APBB2: variants seen among roughly 807,000 people sequenced by gnomAD.
APBB2 encodes Fe65-like 1.
Under a neutral mutation model 82.5 loss-of-function variants are expected in APBB2, and 38 were observed. The ratio of observed to expected loss-of-function variants is 0.46; its 90% CI spans 0.36 to 0.60. APBB2 has a LOEUF of 0.60. Among genes scored for constraint, APBB2 ranks in the 20% least tolerant of loss-of-function variants. The pLI is 0.00. For synonymous variants in APBB2, 341 were observed against 368.2 expected, an observed-to-expected ratio of 0.93 and a Z score of 0.85; for missense variants, 772 against 972.3, an observed-to-expected ratio of 0.79 and a Z score of 2.74.
intron 6 of APBB2, among the ~76,000 whole-genome samples, chr4:41,000,057 ATATATGTGTGTATGTG>A (rs1804730272): frequency 1.2e-5 from 1 of 86,264 alleles, no homozygotes; most frequent in African/African-American, 3.9e-5. Flanking sequence ...GTATATGTAT[ATATATGTGTGTATGTG>A]TGTGTGTGTG....
chr4:40,896,572 C>T (rs1174342600), intron 10 of APBB2, among the ~76,000 whole-genome samples: 2 of 152,154 alleles, frequency 1.3e-5, no homozygotes, highest in African/African-American at 4.8e-5. Context: ...AAATAAAAAA[C>T]ACTTGAACAT....
chr4:40,907,390 T>A (rs1396141270), intron 10 of APBB2, among the ~76,000 whole-genome samples: 1 of 133,784 alleles, frequency 7.5e-6, no homozygotes, highest in Non-Finnish European at 1.6e-5. Context: ...TTTTTTTTTT[T>A]TTTTTTTTTT....
chr4:40,867,128 G>C (rs1057223888), intron 12 of APBB2, among the ~76,000 whole-genome samples: 1 of 152,114 alleles, frequency 6.6e-6, no homozygotes, highest in African/African-American at 2.4e-5. Flanking sequence ...AAGCTTTATT[G>C]GAACACAGCC....
chr4:41,076,644 C>T (rs1376499793), intron 3 of APBB2, among the ~76,000 whole-genome samples: 2 of 152,136 alleles, frequency 1.3e-5, no homozygotes, highest in Non-Finnish European at 2.9e-5. Flanking sequence ...TCATCTTATG[C>T]GAGGCCACCA....
chr4:41,117,107 C>A (rs1263652012), intron 2 of APBB2, among the ~76,000 whole-genome samples: 1 of 151,990 alleles, frequency 6.6e-6, no homozygotes, highest in African/African-American at 2.4e-5. Context: ...CCCCTCTTTT[C>A]TGACTCTCAG....
chr4:41,055,552 T>G (rs1727539635), intron 4 of APBB2, among the ~76,000 whole-genome samples: 1 of 152,112 alleles, frequency 6.6e-6, no homozygotes, highest in Non-Finnish European at 1.5e-5. Flanking sequence ...ACACTACATC[T>G]CTAGGACCCG....
intron 6 of APBB2, among the ~76,000 whole-genome samples, chr4:40,971,324 T>G (rs1221665571): frequency 1.3e-5 from 2 of 152,246 alleles, no homozygotes; most frequent in African/African-American, 4.8e-5. Context: ...CATTAATTTT[T>G]TTACAAGTAA....
At chr4:40,968,844 G>C (rs900582106) in intron 6 of APBB2, among the ~76,000 whole-genome samples, 1 of 152,248 alleles carries the variant, frequency 6.6e-6, no homozygotes, top group Non-Finnish European at 1.5e-5. Context: ...ACCTCATCTT[G>C]AATTGTAGCT....
At chr4:40,900,846 C>A (rs914608544) in intron 10 of APBB2, among the ~76,000 whole-genome samples, 2 of 150,096 alleles carry the variant, frequency 1.3e-5, no homozygotes, top group Non-Finnish European at 3.0e-5. Context: ...CAGATTAATT[C>A]ATTCATTCAA....
At chr4:40,896,914 C>A (rs1197723795) in intron 10 of APBB2, among the ~76,000 whole-genome samples, 1 of 152,180 alleles carries the variant, frequency 6.6e-6, no homozygotes, top group Non-Finnish European at 1.5e-5. Flanking sequence ...ATCTTAGTGA[C>A]CCTGGCTGGA....
intron 12 of APBB2, among the ~76,000 whole-genome samples, chr4:40,843,367 G>T (rs1165931503): frequency 6.6e-6 from 1 of 152,204 alleles, no homozygotes; most frequent in Admixed American, 6.5e-5. Context: ...AAGTGGAAAG[G>T]AAGAGCTGCT....
chr4:41,030,657 T>TA (rs1315130757), intron 5 of APBB2, among the ~76,000 whole-genome samples: 2 of 152,116 alleles, frequency 1.3e-5, no homozygotes, highest in African/African-American at 2.4e-5. Flanking sequence ...GCTCTAGACT[T>TA]ACGGGCAAGC....
chr4:41,181,774 T>C (rs1394621466), intron 1 of APBB2, among the ~76,000 whole-genome samples: 1 of 151,828 alleles, frequency 6.6e-6, no homozygotes, highest in African/African-American at 2.4e-5. Context: ...GGAGCAACCC[T>C]GTCTCTACTA....
At chr4:41,184,652 G>A (rs551438092) in intron 1 of APBB2, among the ~76,000 whole-genome samples, 2 of 152,326 alleles carry the variant, frequency 1.3e-5, no homozygotes, top group Non-Finnish European at 2.9e-5. Context: ...CAGACTGGGA[G>A]ATGCATTGCT....
At chr4:40,897,759 G>A (rs932599586) in intron 10 of APBB2, among the ~76,000 whole-genome samples, 1 of 152,142 alleles carries the variant, frequency 6.6e-6, no homozygotes, top group Non-Finnish European at 1.5e-5. Flanking sequence ...GCAGAAACGA[G>A]CAACCTGCAA....
rs569151951 is a variant in APBB2, at chr4:41,155,571, G to A, written c.-416-12429C>T. Among the ~76,000 whole-genome samples the A allele has an allele frequency of 4.6e-5, 7 of 152,278 alleles. 1 individual carries two copies. The highest frequency in any genetic ancestry group is 1.4e-4 in the African/African-American group (6 of 41,550). On this transcript the variant is annotated intron_variant, in intron 1 of 17. Transcript: ENST00000508593. The stretch of plus-strand genomic sequence containing the variant: ...AAAATAAAGAAGGAAGGAGAAAGGA[G>A]GACGAATAAGAGAGAATCCGAAAGA...
intron 5 of APBB2, among the ~76,000 whole-genome samples, chr4:41,014,803 A>G (rs1302194080): frequency 6.6e-6 from 1 of 152,180 alleles, no homozygotes; most frequent in African/African-American, 2.4e-5. Context: ...ACAACAAAAA[A>G]TTGCTCAAGA....
At chr4:41,042,245 T>A (rs1721801096) in intron 4 of APBB2, among the ~76,000 whole-genome samples, 1 of 152,166 alleles carries the variant, frequency 6.6e-6, no homozygotes, top group Non-Finnish European at 1.5e-5. Context: ...TGCCTCAGCC[T>A]CCCAAAGTGC....
intron 10 of APBB2, among the ~76,000 whole-genome samples, chr4:40,918,947 G>A (rs889058658): frequency 4.6e-5 from 7 of 151,976 alleles, no homozygotes; most frequent in African/African-American, 1.7e-4. Flanking sequence ...GAGCCTTGAG[G>A]TGAGTTTCTT....
Sources: gnomAD v4.1 joint callset for allele counts (sites outside exome capture counted in the v4.1 genomes callset) on GRCh38, gnomAD v4.1.1 for gene constraint, MANE v1.5 for transcripts, NCBI Gene and HGNC (gene_info 2026-07-23, HGNC 2026-07-21) for gene names.